SLC3A2: variants seen among roughly 807,000 people sequenced by gnomAD.
The protein encoded by SLC3A2 is solute carrier family 3 member 2.
Under a neutral mutation model 48.5 loss-of-function variants are expected in SLC3A2, and 32 were observed. That is an observed-to-expected ratio of 0.66 (90% CI 0.50 to 0.89). SLC3A2 has a LOEUF of 0.89. SLC3A2 is among the 40% of genes least tolerant of loss of function. The probability of loss-of-function intolerance (pLI) is 0.00; values close to 1 mark genes in which losing one functional copy is unlikely to be tolerated. For synonymous variants in SLC3A2, 277 were observed against 288.8 expected, an observed-to-expected ratio of 0.96 and a Z score of 0.41; for missense variants, 587 against 680.7, an observed-to-expected ratio of 0.86 and a Z score of 1.53.
In SLC3A2 at chr11:62,888,062, G is replaced by T. The variant is rs1012987071; in HGVS notation, c.1144-73G>T. 18 of 1,375,628 alleles carry T rather than the reference G, an allele frequency of 1.3e-5. 2 individuals carry two copies. Among genetic ancestry groups the T allele is most frequent in the African/African-American group, 1.4e-5 (1 of 69,986 alleles). 85.2% of individuals were successfully genotyped at this position (1,375,628 alleles called of 1,614,324 possible). On this transcript the variant is annotated intron_variant, in intron 7 of 8. Transcript: ENST00000338663. Reference sequence around the variant, plus strand: ...CCTCTTGGCCTTGACCTCCCAGACTGCTGGAATTACAGATGTGAGCCACCA... The same window carrying T: ...CCTCTTGGCCTTGACCTCCCAGACTTCTGGAATTACAGATGTGAGCCACCA...
chr11:62,878,493 T>C (rs2085592694), upstream of SLC3A2, among the ~76,000 whole-genome samples: 1 of 150,976 alleles, frequency 6.6e-6, no homozygotes, highest in Non-Finnish European at 1.5e-5. Flanking sequence ...TGAGACGGAG[T>C]CTTGCTCTGT....
chr11:62,888,853 A>T lies in SLC3A2; in HGVS notation c.*160A>T. On this transcript the variant is annotated 3_prime_UTR_variant, in exon 9 of 9. Coordinates refer to ENST00000338663, the MANE Select transcript of SLC3A2 (RefSeq NM_001013251.3). ...GCCTTCAAATAAAAGTCACCCCTGCATGGTGAAGTCTTCCCTCTGCTTCTC... is the reference window on the plus strand; with the variant it reads ...GCCTTCAAATAAAAGTCACCCCTGCTTGGTGAAGTCTTCCCTCTGCTTCTC... 1 of 665,654 alleles carries T rather than the reference A, an allele frequency of 1.5e-6. No homozygotes were observed. Among genetic ancestry groups the T allele is most frequent in the East Asian group, 2.8e-5 (1 of 35,768 alleles). The allele number at this position is 665,654 out of a possible 1,614,324, so 41.2% of individuals were successfully genotyped here. A position where few individuals can be genotyped will look rare whatever the true frequency, so the allele number is the denominator to read the frequency against.
chr11:62,858,972 C>T (rs2085368734), intron 1 of SLC3A2, among the ~76,000 whole-genome samples: 2 of 152,144 alleles, frequency 1.3e-5, no homozygotes, highest in South Asian at 4.1e-4. Flanking sequence ...TTCCATTGCC[C>T]AGGGACGGGC....
At chr11:62,869,928 G>A (rs1172189070) in intron 1 of SLC3A2, among the ~76,000 whole-genome samples, 3 of 150,878 alleles carry the variant, frequency 2.0e-5, no homozygotes, top group African/African-American at 7.3e-5. Flanking sequence ...GATTACAGGT[G>A]CCTGCCACCA....
chr11:62,879,219 G>A (rs979777904), upstream of SLC3A2, among the ~76,000 whole-genome samples: 4 of 152,142 alleles, frequency 2.6e-5, no homozygotes, highest in African/African-American at 9.7e-5. Flanking sequence ...ATTAGTAGGT[G>A]GGATTACAGG....
At chr11:62,868,037 T>C (rs1565246243) in intron 1 of SLC3A2, among the ~76,000 whole-genome samples, 1 of 151,998 alleles carries the variant, frequency 6.6e-6, no homozygotes, top group East Asian at 1.9e-4. Context: ...TTCTCCTGCC[T>C]CAGCCTCCTG....
chr11:62,884,413 T>C, intron 3 of SLC3A2, 44 bp from the exon 4 acceptor site: 1 of 1,609,970 alleles, frequency 6.2e-7, no homozygotes, highest in African/African-American at 1.3e-5. Flanking sequence ...CTGAGCCTTT[T>C]CCTGAGAACT....
upstream of SLC3A2, chr11:62,880,892 G>A: frequency 1.4e-6 from 2 of 1,438,110 alleles, no homozygotes; most frequent in Non-Finnish European, 9.1e-7. Flanking sequence ...GCCTGCTGCT[G>A]AGCAGATGCA....
chr11:62,868,883 G>A (rs1202656792), intron 1 of SLC3A2, among the ~76,000 whole-genome samples: 1 of 151,738 alleles, frequency 6.6e-6, no homozygotes, highest in Non-Finnish European at 1.5e-5. Flanking sequence ...CCATTCTTTT[G>A]TATATCTAAT....
chr11:62,885,105 A>G, intron 5 of SLC3A2, 72 bp from the exon 6 acceptor site: 1 of 1,527,086 alleles, frequency 6.5e-7, no homozygotes. Context: ...TGTTGGGATT[A>G]CAGGCGTGAG....
intron 7 of SLC3A2, 77 bp downstream of exon 7, chr11:62,885,685 T>C: frequency 2.6e-6 from 4 of 1,529,922 alleles, no homozygotes; most frequent in Non-Finnish European, 3.6e-6. Context: ...TGGCGGCACA[T>C]AGACGTGAGC....
At chr11:62,884,734 A>AC (rs756160397) in intron 5 of SLC3A2, 44 bp downstream of exon 5, 9 of 1,513,078 alleles carry the variant, frequency 5.9e-6, no homozygotes, top group Non-Finnish European at 2.7e-6. Context: ...CAATGTGGGA[A>AC]CCCCTCAGTG....
chr11:62,857,540 A>T (rs911494427), intron 1 of SLC3A2, among the ~76,000 whole-genome samples: 6 of 151,952 alleles, frequency 3.9e-5, no homozygotes. Flanking sequence ...AATAGAAAAA[A>T]TTAGCCAGGA....
Position 62,888,608 on chromosome 11 carries a change from G to C in SLC3A2, c.1505G>C (p.Arg502Pro). ...CTCCTGCTCAGCACCCAGCCAGGCC[G>C]TGAGGAGGGCTCCCCTCTTGAGCTG... ...ADLLLSTQPG[R>P]EEGSPLELER... The change falls in exon 9 of 9, where the codon CGT (arginine) becomes CCT (proline). Residue 502 changes from arginine to proline, a missense_variant. Arg to Pro is a moderately radical substitution (Grantham distance 103). Transcript: ENST00000338663. The C allele has an allele frequency of 6.2e-7, 1 of 1,611,754 alleles. No homozygotes were observed. Among genetic ancestry groups the C allele is most frequent in the East Asian group, 2.2e-5 (1 of 44,888 alleles).
intron 2 of SLC3A2, chr11:62,882,340 C>G: frequency 2.5e-6 from 1 of 392,470 alleles, no homozygotes. Context: ...TGGTTTTAAA[C>G]TTGTAAAACA....
At chr11:62,863,627 C>T (rs1180188132) in intron 1 of SLC3A2, among the ~76,000 whole-genome samples, 5 of 152,210 alleles carry the variant, frequency 3.3e-5, no homozygotes. Context: ...ATGCAATGTA[C>T]TAATGTTTTC....
intron 7 of SLC3A2, chr11:62,886,648 G>A (rs2085718226): frequency 6.6e-6 from 1 of 151,784 alleles, no homozygotes; most frequent in East Asian, 1.9e-4. Context: ...GGATTGCAGT[G>A]GTGCGATTAT....
chr11:62,886,331 A>G (rs2085713720), intron 7 of SLC3A2: 1 of 151,714 alleles, frequency 6.6e-6, no homozygotes, highest in Non-Finnish European at 1.5e-5. Context: ...AATACATGGT[A>G]GGGATACTAC....
intron 1 of SLC3A2, among the ~76,000 whole-genome samples, chr11:62,863,891 CT>C (rs1210638259): frequency 6.6e-6 from 1 of 152,160 alleles, no homozygotes; most frequent in African/African-American, 2.4e-5. Flanking sequence ...GCCATAGGAG[CT>C]TGCCATAAGT....
Sources: allele counts gnomAD v4.1 joint callset (sites outside exome capture counted in the v4.1 genomes callset), GRCh38; gene constraint gnomAD v4.1.1; transcripts MANE v1.5; gene names NCBI Gene and HGNC (gene_info 2026-07-23, HGNC 2026-07-21).